Variants in MTUS2 observed in about 807,000 individuals in gnomAD.
MTUS2 encodes the protein microtubule associated scaffold protein 2.
Under a neutral mutation model 114.1 loss-of-function variants are expected in MTUS2, and 40 were observed. The observed-to-expected ratio is 0.35, with a 90% CI of 0.27 to 0.46. MTUS2 has a LOEUF of 0.46. Among genes scored for constraint, MTUS2 ranks in the 20% least tolerant of loss-of-function variants. The probability of loss-of-function intolerance (pLI) is 1.00; values close to 1 mark genes in which losing one functional copy is unlikely to be tolerated. For synonymous variants in MTUS2, 688 were observed against 672.0 expected (o/e 1.02, Z -0.37); for missense variants, 1,679 against 1,705.4 (o/e 0.98, Z 0.27).
chr13:29,150,837 C>G (rs1010113854), intron 5 of MTUS2, among the ~76,000 whole-genome samples: 7 of 152,080 alleles, frequency 4.6e-5, no homozygotes, highest in Admixed American at 4.6e-4. Context: ...TGTCAAAGAT[C>G]AGTTGGTTGT....
chr13:28,897,443 T>A (rs576613511), intron 2 of MTUS2, among the ~76,000 whole-genome samples: 1 of 152,344 alleles, frequency 6.6e-6, no homozygotes, highest in East Asian at 1.9e-4. Context: ...ACATTTACAC[T>A]GTTGGTGGGA....
intron 7 of MTUS2, among the ~76,000 whole-genome samples, chr13:29,346,239 G>A (rs1008014261): frequency 6.6e-5 from 10 of 152,240 alleles, no homozygotes; most frequent in Non-Finnish European, 1.0e-4. Context: ...GGTTTCTTAG[G>A]TGGTGGACAG....
intron 6 of MTUS2, among the ~76,000 whole-genome samples, chr13:29,298,909 G>A (rs1899068296): frequency 6.6e-6 from 1 of 152,214 alleles, no homozygotes; most frequent in African/African-American, 2.4e-5. Flanking sequence ...GGTATCTTCA[G>A]TGAAGATGCC....
chr13:29,440,068 A>G lies in MTUS2; in HGVS notation c.3184+19A>G, dbSNP rs1335706813. On this transcript the variant is annotated intron_variant, in intron 9 of 15. Coordinates refer to ENST00000612955, the MANE Select transcript of MTUS2 (RefSeq NM_001033602.4). Reference sequence around the variant, plus strand: ...GAAGTTGGTAAGTAGGGCATTGACAATGAGGAGCATAAAGAATGTCTTTTC... The same window carrying G: ...GAAGTTGGTAAGTAGGGCATTGACAGTGAGGAGCATAAAGAATGTCTTTTC... 2 of 1,566,204 alleles carry G rather than the reference A, an allele frequency of 1.3e-6. No homozygotes were observed. The highest frequency in any genetic ancestry group is 1.7e-6 in the Non-Finnish European group (2 of 1,152,932).
chr13:29,074,919 C>G (rs1314571361), intron 4 of MTUS2, among the ~76,000 whole-genome samples: 1 of 152,136 alleles, frequency 6.6e-6, no homozygotes. Flanking sequence ...ATATTTTAAT[C>G]CTATCCACAG....
At chr13:29,042,640 T>C (rs1384668967) in intron 4 of MTUS2, among the ~76,000 whole-genome samples, 4 of 152,118 alleles carry the variant, frequency 2.6e-5, no homozygotes, top group African/African-American at 9.7e-5. Flanking sequence ...CATTTCAATC[T>C]TGCTGCTTAT....
rs142512002 is a variant in MTUS2 at position 29,324,778 on chromosome 13, G to A, written c.2905+67G>A. On this transcript the variant is annotated intron_variant, in intron 7 of 15. Coordinates refer to ENST00000612955, the MANE Select transcript of MTUS2 (RefSeq NM_001033602.4). ...AACTTGGAATTTATCTTATTCAGATGTCATTAATGGAGCAATGCCAACCCA... is the reference window on the plus strand; with the variant it reads ...AACTTGGAATTTATCTTATTCAGATATCATTAATGGAGCAATGCCAACCCA... 1.1e-3 allele frequency: 1,310 copies of A among 1,225,636 alleles called. 15 individuals carry two copies. In the Admixed American group the frequency reaches 0.025, roughly 23 times the overall value. The allele number at this position is 1,225,636 out of a possible 1,614,324, so 75.9% of individuals were successfully genotyped here.
At chr13:29,100,069 A>G (rs1480252238) in intron 4 of MTUS2, among the ~76,000 whole-genome samples, 1 of 152,256 alleles carries the variant, frequency 6.6e-6, no homozygotes, top group East Asian at 1.9e-4. Context: ...GTTTGAGCAC[A>G]TATCAAGTTC....
chr13:29,272,195 TTAAAC>T (rs1897905764), intron 5 of MTUS2, among the ~76,000 whole-genome samples: 1 of 152,340 alleles, frequency 6.6e-6, no homozygotes, highest in South Asian at 2.1e-4. Flanking sequence ...ACTTTAATAA[TTAAAC>T]TAAATATTAT....
At chr13:28,897,496 C>T (rs1200746180) in intron 2 of MTUS2, among the ~76,000 whole-genome samples, 2 of 152,162 alleles carry the variant, frequency 1.3e-5, no homozygotes, top group African/African-American at 4.8e-5. Context: ...GTGGCGATTC[C>T]TCAGGGATCT....
intron 6 of MTUS2, among the ~76,000 whole-genome samples, chr13:29,312,899 G>A (rs575120612): frequency 1.8e-4 from 28 of 152,230 alleles, no homozygotes; most frequent in Non-Finnish European, 3.1e-4. Context: ...GAGGTACTAG[G>A]AAGAAACAAG....
chr13:28,926,731 TTTCA>T (rs754350975), intron 2 of MTUS2, among the ~76,000 whole-genome samples: 2 of 152,222 alleles, frequency 1.3e-5, no homozygotes, highest in Non-Finnish European at 2.9e-5. Context: ...TCAATCATCT[TTTCA>T]TTATTAGAAA....
At chr13:28,991,754 A>G (rs966196085) in intron 2 of MTUS2, among the ~76,000 whole-genome samples, 2 of 151,996 alleles carry the variant, frequency 1.3e-5, no homozygotes, top group East Asian at 1.9e-4. Flanking sequence ...AAACCTGGCT[A>G]CTTCTTATCC....
intron 7 of MTUS2, among the ~76,000 whole-genome samples, chr13:29,355,661 A>C (rs1350952133): frequency 3.9e-5 from 6 of 152,336 alleles, no homozygotes; most frequent in Non-Finnish European, 8.8e-5. Context: ...TGCTGAATAG[A>C]AGGTGTCAAA....
At chr13:29,342,459 TG>T (rs1243831838) in intron 7 of MTUS2, among the ~76,000 whole-genome samples, 5 of 152,170 alleles carry the variant, frequency 3.3e-5, no homozygotes, top group Admixed American at 3.3e-4. Context: ...ATTGTCAGTT[TG>T]GTTGCTGTTG....
At chr13:28,971,658 T>TA (rs1883862170) in intron 2 of MTUS2, among the ~76,000 whole-genome samples, 1 of 152,228 alleles carries the variant, frequency 6.6e-6, no homozygotes, top group Non-Finnish European at 1.5e-5. Context: ...TTACCACTAA[T>TA]AACAGCACCA....
chr13:28,853,217 G>C (rs941444793), intron 2 of MTUS2, among the ~76,000 whole-genome samples: 1 of 152,138 alleles, frequency 6.6e-6, no homozygotes. Flanking sequence ...TTTTCAAGAG[G>C]TAAAAAGTCC....
chr13:29,012,157 A>T (rs1469104784), intron 2 of MTUS2, among the ~76,000 whole-genome samples: 1 of 152,194 alleles, frequency 6.6e-6, no homozygotes, highest in Non-Finnish European at 1.5e-5. Context: ...TCTAAGGCGT[A>T]TGGAAGAGAG....
chr13:28,896,060 CTGGGCAGCA>C (rs1879246047), intron 2 of MTUS2, among the ~76,000 whole-genome samples: 1 of 152,102 alleles, frequency 6.6e-6, no homozygotes, highest in Non-Finnish European at 1.5e-5. Flanking sequence ...GGCAGTGTCT[CTGGGCAGCA>C]TGTGATTGAT....
Sources: gnomAD v4.1 joint callset for allele counts (sites outside exome capture counted in the v4.1 genomes callset) on GRCh38, gnomAD v4.1.1 for gene constraint, MANE v1.5 for transcripts, NCBI Gene and HGNC (gene_info 2026-07-23, HGNC 2026-07-21) for gene names.